Variants in AMOT observed in about 807,000 individuals in gnomAD.
AMOT encodes the protein angiomotin.
Under a neutral mutation model 67.0 loss-of-function variants are expected in AMOT, and 11 were observed. That is an observed-to-expected ratio of 0.16 (90% CI 0.10 to 0.27). The LOEUF is 0.27. Among genes scored for constraint, AMOT ranks in the 10% least tolerant of loss-of-function variants. AMOT has a pLI of 1.00. For synonymous variants in AMOT, 326 were observed against 321.4 expected (o/e 1.01, Z -0.15); for missense variants, 753 against 852.0 (o/e 0.88, Z 1.45).
intron 11 of AMOT, among the ~76,000 whole-genome samples, chrX:112,781,402 T>C (rs941402231): frequency 2.2e-5 from 2 of 91,892 alleles, no homozygotes; most frequent in Non-Finnish European, 4.1e-5. Flanking sequence ...ATAGTGCCAC[T>C]GCACTCCAGC....
At position 112,822,723 on chromosome X, in the gene AMOT, C is replaced by G; in HGVS notation, c.404G>C (p.Gly135Ala). The change falls in exon 4 of 14, where the codon GGA (glycine) becomes GCA (alanine). Residue 135 changes from glycine (G) to alanine (A), a missense_variant. Coordinates refer to ENST00000371959, the MANE Select transcript of AMOT (RefSeq NM_001113490.2). ...AGTCCTCATCTTCTGGTTGGTGACT[C>G]CAGTGACATAGAAGGCAGCTCCAAC... Reference protein sequence around the residue: ...ASVGAAFYVTGVTNQKMRTEG... With the variant: ...ASVGAAFYVTAVTNQKMRTEG... The G allele has an allele frequency of 8.6e-7, 1 of 1,166,602 alleles. No homozygotes were observed. The highest frequency in any genetic ancestry group is 1.1e-6 in the Non-Finnish European group (1 of 872,994).
chrX:112,797,388 G>C (rs192497511), intron 8 of AMOT, among the ~76,000 whole-genome samples: 1 of 111,141 alleles, frequency 9.0e-6, no homozygotes, highest in East Asian at 2.8e-4. Context: ...ACACATGCAT[G>C]CACATACACA....
chrX:112,838,721 T>C (rs764856492), intron 1 of AMOT, among the ~76,000 whole-genome samples: 7 of 112,539 alleles, frequency 6.2e-5, no homozygotes, highest in African/African-American at 2.3e-4. Flanking sequence ...ATCCACAAAT[T>C]TCATGTAAAA....
intron 10 of AMOT, among the ~76,000 whole-genome samples, chrX:112,784,284 A>C (rs1157974081): frequency 8.9e-6 from 1 of 112,407 alleles, no homozygotes; most frequent in African/African-American, 3.2e-5. Flanking sequence ...AGCTTCTCCA[A>C]GTACACTCTG....
rs188299748 is a variant in AMOT, at chrX:112,778,983, A to C, written c.3157+14T>G. 8.8e-5 allele frequency: 106 copies of C among 1,202,672 alleles called. No homozygotes were observed. In the East Asian group the frequency reaches 1.8e-3, roughly 20 times the overall value. On this transcript the variant is annotated intron_variant, in intron 13 of 13. Coordinates refer to ENST00000371959, the MANE Select transcript of AMOT (RefSeq NM_001113490.2). Reference sequence around the variant, plus strand: ...GAACTAAACCAAAACCTACCTGCTAAAGGGAATAATTACCTGTTTTGTCTG... The same window carrying C: ...GAACTAAACCAAAACCTACCTGCTACAGGGAATAATTACCTGTTTTGTCTG...
intron 2 of AMOT, among the ~76,000 whole-genome samples, chrX:112,831,132 C>CAGG (rs1934974135): frequency 9.1e-6 from 1 of 109,712 alleles, no homozygotes; most frequent in African/African-American, 3.3e-5. Context: ...ATTTGCAGAC[C>CAGG]TGACCATAAA....
At chrX:112,833,138 C>A (rs917037348) in intron 1 of AMOT, among the ~76,000 whole-genome samples, 2 of 111,768 alleles carry the variant, frequency 1.8e-5, no homozygotes, top group African/African-American at 6.5e-5. Flanking sequence ...CATATGGGAA[C>A]CTAGGTACAG....
intron 3 of AMOT, 38 bp from the exon 4 acceptor site, chrX:112,823,226 T>G: frequency 1.2e-6 from 1 of 849,633 alleles, no homozygotes; most frequent in Non-Finnish European, 1.6e-6. Flanking sequence ...ACCCAGTTGA[T>G]GGATAAATCA....
At chrX:112,816,900 G>A (rs912493265) in intron 4 of AMOT, among the ~76,000 whole-genome samples, 2 of 111,946 alleles carry the variant, frequency 1.8e-5, no homozygotes, top group Admixed American at 9.4e-5. Flanking sequence ...TAACACCTAA[G>A]TATAAATAAT....
chrX:112,803,164 C>T (rs1934067534), intron 8 of AMOT, among the ~76,000 whole-genome samples: 1 of 111,803 alleles, frequency 8.9e-6, no homozygotes, highest in South Asian at 3.7e-4. Context: ...TCTGAACAAG[C>T]ACCCACATTT....
In AMOT at chrX:112,815,370, T is replaced by C. The variant is rs1473569289; in HGVS notation, c.1380A>G (p.Ala460=). ...ACGGAAGCCTCACCTTCTGCAGTCTTGCCACCTTCTCATAGCATCCTTCCA... is the reference window on the plus strand; with the variant it reads ...ACGGAAGCCTCACCTTCTGCAGTCTCGCCACCTTCTCATAGCATCCTTCCA... The part of the protein sequence containing the change: ...QELEGCYEKV[A]RLQKVETEIQ... The change falls in exon 5 of 14, where the codon GCA becomes GCG. Residue 460 remains alanine, a synonymous_variant. Transcript: ENST00000371959. The C allele has an allele frequency of 1.7e-6, 2 of 1,207,445 alleles. No homozygotes were observed. Among genetic ancestry groups the C allele is most frequent in the African/African-American group, 3.5e-5 (2 of 57,101 alleles).
chrX:112,816,970 C>T (rs963016362), intron 4 of AMOT, among the ~76,000 whole-genome samples: 4 of 112,190 alleles, frequency 3.6e-5, no homozygotes, highest in African/African-American at 9.7e-5. Context: ...GGATCACTTC[C>T]ACCATCACCA....
At chrX:112,803,495 T>C (rs1371166377) in intron 8 of AMOT, among the ~76,000 whole-genome samples, 8 of 112,273 alleles carry the variant, frequency 7.1e-5, no homozygotes, top group African/African-American at 2.6e-4. Context: ...TCATTTTCTG[T>C]TGAGCAACTT....
chrX:112,809,973 A>G lies in AMOT; in HGVS notation c.1551T>C (p.Thr517=). ...CCTTCTCTGCAAGCTGCTTGTTGGC[A>G]GTCTCTAGACGCTCTGTGAAATTTG... The part of the protein sequence containing the change: ...FNRDLRERLE[T]ANKQLAEKEY... Residue 517 remains threonine (T), a synonymous_variant, in exon 7 of 14, where the codon ACT becomes ACC. Transcript: ENST00000371959. 3 of 1,209,964 alleles carry G rather than the reference A, an allele frequency of 2.5e-6. No homozygotes were observed. The highest frequency in any genetic ancestry group is 3.4e-6 in the Non-Finnish European group (3 of 894,250).
At chrX:112,838,339 GATGGGGAAGA>G (rs1000659172) in intron 1 of AMOT, among the ~76,000 whole-genome samples, 1 of 112,096 alleles carries the variant, frequency 8.9e-6, no homozygotes, top group African/African-American at 3.2e-5. Context: ...AAGAAAGGGG[GATGGGGAAGA>G]AGGGCCGCTT....
chrX:112,816,028 C>T (rs771947754), intron 4 of AMOT, among the ~76,000 whole-genome samples, 151 bp from the exon 5 acceptor site: 1 of 110,308 alleles, frequency 9.1e-6, no homozygotes, highest in East Asian at 2.9e-4. Context: ...GGAAGTCTAA[C>T]CCTGCCTGCT....
Position 112,815,371 on chromosome X carries a change from G to A in AMOT, c.1379C>T (p.Ala460Val). The change falls in exon 5 of 14, where the codon GCA becomes GTA. Residue 460 changes from alanine to valine, a missense_variant. By Grantham distance (64) the Ala-to-Val change is moderately conservative. Transcript: ENST00000371959. The stretch of plus-strand genomic sequence containing the variant: ...CGGAAGCCTCACCTTCTGCAGTCTT[G>A]CCACCTTCTCATAGCATCCTTCCAA... ...QELEGCYEKVARLQKVETEIQ... is the reference protein window; with the variant it reads ...QELEGCYEKVVRLQKVETEIQ... 1.7e-6 allele frequency: 2 copies of A among 1,209,062 alleles called. No individual in the cohort carries two copies. The highest frequency in any genetic ancestry group is 2.2e-6 in the Non-Finnish European group (2 of 894,003).
At chrX:112,793,025 T>C (rs1933670163) in intron 8 of AMOT, among the ~76,000 whole-genome samples, 1 of 109,520 alleles carries the variant, frequency 9.1e-6, no homozygotes, top group Non-Finnish European at 1.9e-5. Flanking sequence ...AAAGAAGATA[T>C]GGGGAAACTG....
chrX:112,814,049 G>A (rs1288592415), intron 5 of AMOT, among the ~76,000 whole-genome samples: 1 of 111,341 alleles, frequency 9.0e-6, no homozygotes, highest in Non-Finnish European at 1.9e-5. Context: ...AAGGCGGGCG[G>A]ATCACCTGAG....
Sources: gnomAD v4.1 joint callset for allele counts (sites outside exome capture counted in the v4.1 genomes callset) on GRCh38, gnomAD v4.1.1 for gene constraint, MANE v1.5 for transcripts, NCBI Gene and HGNC (gene_info 2026-07-23, HGNC 2026-07-21) for gene names.